The following ZNF804A variants were observed in gnomAD, a reference collection of about 807,000 sequenced individuals.
ZNF804A encodes zinc finger protein 804A.
A neutral mutation model predicts 16.5 loss-of-function variants in ZNF804A; 2 were observed. The observed-to-expected ratio is 0.12, with a 90% CI of 0.05 to 0.38. The LOEUF (loss-of-function observed/expected upper bound fraction) is 0.38, where lower values mean the gene tolerates loss of function less well. Ranked by LOEUF, ZNF804A falls within the 10% of genes least tolerant of loss-of-function variation. The probability of loss-of-function intolerance (pLI) is 0.99; values close to 1 mark genes in which losing one functional copy is unlikely to be tolerated. For synonymous variants in ZNF804A, 534 were observed against 489.6 expected (o/e 1.09, Z -1.20); for missense variants, 1,473 against 1,390.7 (o/e 1.06, Z -0.94).
At chr2:184,624,861 T>C (rs940984101) in intron 1 of ZNF804A, among the ~76,000 whole-genome samples, 1 of 152,108 alleles carries the variant, frequency 6.6e-6, no homozygotes, top group African/African-American at 2.4e-5. Flanking sequence ...CATTACAGAG[T>C]AAATTTGAAA....
intron 1 of ZNF804A, among the ~76,000 whole-genome samples, chr2:184,642,961 A>T (rs901667744): frequency 1.8e-4 from 28 of 152,138 alleles, no homozygotes; most frequent in Non-Finnish European, 2.6e-4. Context: ...TGAACTTTTC[A>T]TAAACATAAA....
At chr2:184,651,248 G>T (rs1391236347) in intron 1 of ZNF804A, among the ~76,000 whole-genome samples, 1 of 151,882 alleles carries the variant, frequency 6.6e-6, no homozygotes, top group Non-Finnish European at 1.5e-5. Flanking sequence ...ATATACAGAA[G>T]GTGGAAACTA....
chr2:184,819,450 G>A (rs1271832153), intron 1 of ZNF804A, among the ~76,000 whole-genome samples: 1 of 151,852 alleles, frequency 6.6e-6, no homozygotes, highest in Non-Finnish European at 1.5e-5. Context: ...AGCACTGAAT[G>A]CCCACATCAA....
intron 1 of ZNF804A, among the ~76,000 whole-genome samples, chr2:184,686,689 C>G (rs1692639949): frequency 1.3e-5 from 2 of 152,300 alleles, no homozygotes; most frequent in African/African-American, 4.8e-5. Context: ...TTTTTCCCAT[C>G]AGCCCTGACA....
Position 184,732,994 on chromosome 2 carries a change from C to T in ZNF804A, c.112-133375C>T, listed in dbSNP as rs536104899. ...TCTGTGAACAAAGACAGTGTTACAT[C>T]TTCCTTCCAAATCAGTGTATCTTTT... On this transcript the variant is annotated intron_variant, in intron 1 of 3. Transcript: ENST00000302277. 4.9e-4 allele frequency among the ~76,000 whole-genome samples: 75 copies of T among 152,220 alleles called. 2 individuals are homozygous for T. In the South Asian group the frequency reaches 0.013, roughly 27 times the overall value.
At chr2:184,883,593 T>G (rs1255384713) in intron 2 of ZNF804A, among the ~76,000 whole-genome samples, 2 of 152,202 alleles carry the variant, frequency 1.3e-5, no homozygotes, top group African/African-American at 4.8e-5. Context: ...ATCAAAAAGC[T>G]AATCCACCAC....
chr2:184,839,716 G>T (rs1259120445), intron 1 of ZNF804A, among the ~76,000 whole-genome samples: 2 of 152,032 alleles, frequency 1.3e-5, no homozygotes, highest in Non-Finnish European at 2.9e-5. Context: ...CATTTAATAA[G>T]ATTTCTCTTA....
chr2:184,887,121 A>T (rs1056478966), intron 2 of ZNF804A, among the ~76,000 whole-genome samples: 2 of 152,160 alleles, frequency 1.3e-5, no homozygotes, highest in Non-Finnish European at 2.9e-5. Flanking sequence ...GCTGGTTACA[A>T]ATTTCTTCTG....
rs1406998948 is a variant in ZNF804A, at chr2:184,936,321, C to T, written c.925C>T (p.Pro309Ser). 2 of 1,613,730 alleles carry T rather than the reference C, an allele frequency of 1.2e-6. No homozygotes were observed. The highest frequency in any genetic ancestry group is 1.1e-5 in the South Asian group (1 of 91,062). ...TAGTGAAAAAGATGCATTATTATTA[C>T]CTTCATTTTGCAAGTTTCAACTTCA... is the stretch of plus-strand genomic sequence containing the variant. The part of the protein sequence containing the change: ...VSSEKDALLL[P>S]SFCKFQLQLS... Residue 309 changes from proline to serine, a missense_variant, in exon 4 of 4, where the codon CCT becomes TCT. Pro to Ser is a moderately conservative substitution (Grantham distance 74). Coordinates refer to ENST00000302277, the MANE Select transcript of ZNF804A (RefSeq NM_194250.2).
At chr2:184,854,498 C>A (rs1030439078) in intron 1 of ZNF804A, among the ~76,000 whole-genome samples, 7 of 151,902 alleles carry the variant, frequency 4.6e-5, no homozygotes, top group Non-Finnish European at 8.8e-5. Context: ...TATTCACTAC[C>A]CTGTGGTGTA....
At chr2:184,931,156 T>C (rs1036037630) in intron 2 of ZNF804A, among the ~76,000 whole-genome samples, 5 of 152,088 alleles carry the variant, frequency 3.3e-5, no homozygotes, top group Non-Finnish European at 7.4e-5. Context: ...GTGTCTGTGG[T>C]TTTTCCAGGC....
At chr2:184,749,507 C>G (rs944634476) in intron 1 of ZNF804A, among the ~76,000 whole-genome samples, 14 of 151,090 alleles carry the variant, frequency 9.3e-5, no homozygotes, top group African/African-American at 3.1e-4. Flanking sequence ...AAGTATAGAC[C>G]CAGATCGTCA....
intron 1 of ZNF804A, among the ~76,000 whole-genome samples, chr2:184,772,976 T>C (rs1694239646): frequency 2.0e-5 from 3 of 147,348 alleles, no homozygotes; most frequent in African/African-American, 5.0e-5. Flanking sequence ...TATATGTATA[T>C]ATATATGTGT....
At chr2:184,600,937 A>G (rs932867466) in intron 1 of ZNF804A, among the ~76,000 whole-genome samples, 1 of 152,192 alleles carries the variant, frequency 6.6e-6, no homozygotes, top group Non-Finnish European at 1.5e-5. Context: ...AAATGAGATG[A>G]ATAAACCTAA....
chr2:184,656,302 G>T (rs533973193), intron 1 of ZNF804A, among the ~76,000 whole-genome samples: 1 of 152,204 alleles, frequency 6.6e-6, no homozygotes, highest in East Asian at 1.9e-4. Flanking sequence ...TATTTCATTT[G>T]TAAAGTAATA....
chr2:184,754,061 T>G (rs1693916364), intron 1 of ZNF804A, among the ~76,000 whole-genome samples: 1 of 151,800 alleles, frequency 6.6e-6, no homozygotes, highest in South Asian at 2.1e-4. Flanking sequence ...GAAAATAAAA[T>G]TAAATATAGC....
intron 1 of ZNF804A, among the ~76,000 whole-genome samples, chr2:184,799,680 T>C (rs1301104453): frequency 6.6e-6 from 1 of 152,098 alleles, no homozygotes; most frequent in Non-Finnish European, 1.5e-5. Flanking sequence ...CACACCGTTA[T>C]GCCTGGCTAC....
At chr2:184,645,033 A>G (rs1307924167) in intron 1 of ZNF804A, among the ~76,000 whole-genome samples, 1 of 152,022 alleles carries the variant, frequency 6.6e-6, no homozygotes, top group Non-Finnish European at 1.5e-5. Flanking sequence ...TTGTGAGAGG[A>G]TAATTCCTAG....
intron 2 of ZNF804A, among the ~76,000 whole-genome samples, chr2:184,907,629 T>C (rs1466179667): frequency 6.6e-6 from 1 of 152,140 alleles, no homozygotes; most frequent in Non-Finnish European, 1.5e-5. Context: ...AAACAAGAAC[T>C]GTAACAAGTT....
Sources: allele counts gnomAD v4.1 joint callset (sites outside exome capture counted in the v4.1 genomes callset), GRCh38; gene constraint gnomAD v4.1.1; transcripts MANE v1.5; gene names NCBI Gene and HGNC (gene_info 2026-07-23, HGNC 2026-07-21).